Variants in FAM178B observed in about 807,000 individuals in gnomAD.
FAM178B encodes protein FAM178B.
A neutral mutation model predicts 91.7 loss-of-function variants in FAM178B; 82 were observed. That is an observed-to-expected ratio of 0.89 (90% CI 0.75 to 1.07). The LOEUF (loss-of-function observed/expected upper bound fraction) is 1.07. FAM178B is among the 50% of genes least tolerant of loss of function. The pLI, the probability that FAM178B is intolerant of heterozygous loss-of-function variation, is 0.00. For synonymous variants in FAM178B, 368 were observed against 359.4 expected, an observed-to-expected ratio of 1.02 and a Z score of -0.27; for missense variants, 769 against 846.7, an observed-to-expected ratio of 0.91 and a Z score of 1.14.
intron 10 of FAM178B, 58 bp from the exon 11 acceptor site, chr2:96,921,712 C>G (rs991297269): frequency 2.0e-6 from 3 of 1,503,800 alleles, no homozygotes; most frequent in Non-Finnish European, 2.7e-6. Context: ...GAGAGTACTT[C>G]GAGGACCAGT....
chr2:96,958,366 G>A (rs894372441), intron 6 of FAM178B, among the ~76,000 whole-genome samples: 5 of 151,470 alleles, frequency 3.3e-5, no homozygotes, highest in African/African-American at 7.3e-5. Flanking sequence ...CACCACGTCC[G>A]GCCTGAATAA....
chr2:96,929,824 G>A (rs973086580), intron 8 of FAM178B, among the ~76,000 whole-genome samples: 2 of 152,192 alleles, frequency 1.3e-5, no homozygotes, highest in African/African-American at 4.8e-5. Flanking sequence ...AGCACACCTC[G>A]CCTGCCTCCC....
In FAM178B at chr2:96,876,133, C is replaced by T. The variant is rs1262141659; in HGVS notation, c.*143G>A. The T allele has an allele frequency of 6.3e-5, 49 of 781,072 alleles. No individual in the cohort carries two copies. The highest frequency in any genetic ancestry group is 2.3e-4 in the African/African-American group (13 of 57,618). The allele number at this position is 781,072 out of a possible 1,614,324, so 48.4% of individuals were successfully genotyped here. A position where few individuals can be genotyped will look rare whatever the true frequency, so the allele number is the denominator to read the frequency against. ...CTTGCAGAGAGGAGAGGGGTCGGGG[C>T]GGTGGCAGGGGCAGGCTCTTGCCTC... On this transcript the variant is annotated 3_prime_UTR_variant, in exon 17 of 17. Coordinates refer to ENST00000490605, the MANE Select transcript of FAM178B (RefSeq NM_001122646.3).
Position 96,986,362 on chromosome 2 carries a change from G to T in FAM178B, c.-49C>A, listed in dbSNP as rs1021148017. Reference sequence around the variant, plus strand: ...GGGTGAGGGAGGGTGGCGGGAATTCGCACGGCCTCAGAGGACGGGGCCAGC... The same window carrying T: ...GGGTGAGGGAGGGTGGCGGGAATTCTCACGGCCTCAGAGGACGGGGCCAGC... On this transcript the variant is annotated 5_prime_UTR_variant, in exon 1 of 17. Coordinates refer to ENST00000490605, the MANE Select transcript of FAM178B (RefSeq NM_001122646.3). The T allele has an allele frequency of 6.6e-7, 1 of 1,524,728 alleles. No individual in the cohort carries two copies. The highest frequency in any genetic ancestry group is 8.8e-7 in the Non-Finnish European group (1 of 1,142,706). The allele number at this position is 1,524,728 out of a possible 1,614,324, so 94.4% of individuals were successfully genotyped here.
At chr2:96,928,216 T>TG (rs944875401) in intron 9 of FAM178B, among the ~76,000 whole-genome samples, 8 of 152,114 alleles carry the variant, frequency 5.3e-5, no homozygotes, top group East Asian at 1.9e-4. Flanking sequence ...GCGGGAAGCA[T>TG]GGGGGGAAGT....
At chr2:96,922,359 C>T (rs2153370961) in intron 10 of FAM178B, among the ~76,000 whole-genome samples, 1 of 152,210 alleles carries the variant, frequency 6.6e-6, no homozygotes, top group East Asian at 1.9e-4. Flanking sequence ...TATTCTTTTA[C>T]TTTTTTTTGA....
At chr2:96,924,952 AG>A (rs1308479676) in intron 9 of FAM178B, among the ~76,000 whole-genome samples, 1 of 152,120 alleles carries the variant, frequency 6.6e-6, no homozygotes, top group East Asian at 1.9e-4. Flanking sequence ...CCGAGGTACC[AG>A]GAAGTTGGTG....
intron 1 of FAM178B, among the ~76,000 whole-genome samples, chr2:96,977,256 G>A (rs1574325538): frequency 1.4e-5 from 2 of 145,606 alleles, no homozygotes; most frequent in African/African-American, 5.1e-5. Context: ...GTGGTGGCAT[G>A]AGCCTGTAAT....
At chr2:96,916,235 A>T (rs1273255137) in intron 12 of FAM178B, among the ~76,000 whole-genome samples, 1 of 152,206 alleles carries the variant, frequency 6.6e-6, no homozygotes, top group African/African-American at 2.4e-5. Context: ...TACTGACCGC[A>T]TCTCATGAGC....
rs563114764 is a variant in FAM178B at position 96,973,135 on chromosome 2, G to A, written c.74-529C>T. Among the ~76,000 whole-genome samples the A allele has an allele frequency of 2.0e-5, 3 of 151,496 alleles. No individual in the cohort carries two copies. The South Asian group carries it at 6.3e-4, about 32-fold the overall frequency. On this transcript the variant is annotated intron_variant, in intron 1 of 16. Coordinates refer to ENST00000490605, the MANE Select transcript of FAM178B (RefSeq NM_001122646.3). ...AGGCAGGAGAATTGCTTGAACCTGG[G>A]AGGTAGAGGTTGCAGTGACCCAAGA...
chr2:96,883,734 G>A (rs1009188743), intron 14 of FAM178B, among the ~76,000 whole-genome samples: 7 of 152,306 alleles, frequency 4.6e-5, no homozygotes, highest in African/African-American at 7.2e-5. Flanking sequence ...ACCCCCAGCC[G>A]TCCCTGCCTC....
At chr2:96,923,280 T>C (rs529588639) in intron 10 of FAM178B, among the ~76,000 whole-genome samples, 4 of 152,354 alleles carry the variant, frequency 2.6e-5, no homozygotes, top group Non-Finnish European at 5.9e-5. Flanking sequence ...GCCCCAATTC[T>C]TTCTTGTACA....
chr2:96,955,921 G>C (rs949157459), intron 6 of FAM178B, among the ~76,000 whole-genome samples: 8 of 152,200 alleles, frequency 5.3e-5, no homozygotes, highest in African/African-American at 1.9e-4. Flanking sequence ...CCGGGCCTCC[G>C]GGAGAAGCTG....
chr2:96,905,614 A>G (rs891249737), intron 12 of FAM178B, among the ~76,000 whole-genome samples: 2 of 149,420 alleles, frequency 1.3e-5, no homozygotes, highest in African/African-American at 4.9e-5. Flanking sequence ...GGGAGATAGG[A>G]TTGCTAGATT....
At position 96,939,538 on chromosome 2, in the gene FAM178B, G is replaced by A. The variant is rs533007417; in HGVS notation, c.1078+8280C>T. On this transcript the variant is annotated intron_variant, in intron 8 of 16. Transcript: ENST00000490605. ...ACAAATGAACAAACAAAAAAACAAA[G>A]GCAAAGTCAGAGAGCTGCTGAGGGG... Among the ~76,000 whole-genome samples, 32 of 152,196 alleles carry A rather than the reference G, an allele frequency of 2.1e-4. 2 individuals carry two copies. The highest frequency in any genetic ancestry group is 1.6e-3 in the Admixed American group (24 of 15,280).
intron 12 of FAM178B, among the ~76,000 whole-genome samples, chr2:96,914,181 C>T (rs1298211358): frequency 1.3e-5 from 2 of 152,240 alleles, no homozygotes; most frequent in Admixed American, 6.5e-5. Context: ...TAGTTCACTT[C>T]TGGTCCTGGT....
intron 4 of FAM178B, among the ~76,000 whole-genome samples, chr2:96,970,108 CCT>C (rs983405439): frequency 1.4e-4 from 21 of 152,198 alleles, no homozygotes; most frequent in South Asian, 6.2e-4. Context: ...GAAGACGACC[CCT>C]GTCTGTCCCC....
At chr2:96,944,360 GGACA>G (rs1255567987) in intron 8 of FAM178B, among the ~76,000 whole-genome samples, 1 of 152,116 alleles carries the variant, frequency 6.6e-6, no homozygotes, top group Non-Finnish European at 1.5e-5. Context: ...AAAGGGCACT[GGACA>G]GACAAACAAC....
At chr2:96,926,474 C>CT (rs1215856662) in intron 9 of FAM178B, among the ~76,000 whole-genome samples, 1 of 152,202 alleles carries the variant, frequency 6.6e-6, no homozygotes, top group Admixed American at 6.5e-5. Context: ...TAAAGACCTC[C>CT]TTTGTGCTCC....
Sources: gnomAD v4.1 joint callset for allele counts (sites outside exome capture counted in the v4.1 genomes callset) on GRCh38, gnomAD v4.1.1 for gene constraint, MANE v1.5 for transcripts, NCBI Gene and HGNC (gene_info 2026-07-23, HGNC 2026-07-21) for gene names.